Variants in AGBL4 observed in about 807,000 individuals in gnomAD.
AGBL4 encodes cytosolic carboxypeptidase 6.
In AGBL4, 58 loss-of-function variants were observed where a neutral mutation model predicts 66.4. The ratio of observed to expected loss-of-function variants is 0.87; its 90% CI spans 0.71 to 1.09. The LOEUF is 1.09. AGBL4 is among the 50% of genes least tolerant of loss of function. AGBL4 has a pLI of 0.00. For synonymous variants in AGBL4, 234 were observed against 222.9 expected (o/e 1.05, Z -0.44); for missense variants, 579 against 631.0 (o/e 0.92, Z 0.88).
At chr1:49,187,123 C>T (rs1308320159) in intron 4 of AGBL4, 4 of 152,136 alleles carry the variant, frequency 2.6e-5, no homozygotes, top group African/African-American at 9.7e-5. Context: ...AGCTAAAGCA[C>T]CCTTTTTTTG....
intron 6 of AGBL4, among the ~76,000 whole-genome samples, chr1:48,770,062 A>G (rs1644736988): frequency 6.6e-6 from 1 of 152,168 alleles, no homozygotes; most frequent in Admixed American, 6.5e-5. Flanking sequence ...GCACCATGCT[A>G]GAAGCCCTTT....
At chr1:48,772,682 CT>C (rs1644896007) in intron 6 of AGBL4, among the ~76,000 whole-genome samples, 1 of 152,092 alleles carries the variant, frequency 6.6e-6, no homozygotes, top group South Asian at 2.1e-4. Context: ...TCAACTAAGA[CT>C]GTGTTTTAGA....
chr1:49,805,304 T>C (rs896102407), intron 2 of AGBL4, among the ~76,000 whole-genome samples: 1 of 152,150 alleles, frequency 6.6e-6, no homozygotes, highest in Non-Finnish European at 1.5e-5. Flanking sequence ...TGGAGGTTAT[T>C]AATGAACTTG....
intron 5 of AGBL4, among the ~76,000 whole-genome samples, chr1:48,935,719 A>G (rs1655393468): frequency 6.6e-6 from 1 of 151,552 alleles, no homozygotes. Context: ...GCACTTTGGG[A>G]GGCCTAGGTG....
At chr1:49,044,388 C>T (rs1234694996) in intron 5 of AGBL4, among the ~76,000 whole-genome samples, 1 of 151,930 alleles carries the variant, frequency 6.6e-6, no homozygotes, top group East Asian at 1.9e-4. Flanking sequence ...ACTCGGGAGG[C>T]TGAGGCAGGA....
chr1:48,964,305 C>T (rs1320880369), intron 5 of AGBL4, among the ~76,000 whole-genome samples: 1 of 152,188 alleles, frequency 6.6e-6, no homozygotes, highest in East Asian at 1.9e-4. Context: ...GCAATATCCA[C>T]TCCTTGGTTT....
At chr1:48,749,137 T>C (rs1651249568) in intron 6 of AGBL4, among the ~76,000 whole-genome samples, 1 of 152,132 alleles carries the variant, frequency 6.6e-6, no homozygotes, top group Non-Finnish European at 1.5e-5. Context: ...CTTTGAGGAA[T>C]TGCAGATGCC....
chr1:49,682,176 G>A (rs1646707541), intron 3 of AGBL4, among the ~76,000 whole-genome samples: 1 of 152,186 alleles, frequency 6.6e-6, no homozygotes. Context: ...GGGAGGCCGA[G>A]GAGGGAGGAT....
At chr1:48,852,851 G>T (rs1177468073) in intron 6 of AGBL4, among the ~76,000 whole-genome samples, 1 of 152,132 alleles carries the variant, frequency 6.6e-6, no homozygotes, top group Non-Finnish European at 1.5e-5. Flanking sequence ...AATGAGAAAA[G>T]ATAAGTGGGT....
intron 6 of AGBL4, among the ~76,000 whole-genome samples, chr1:48,692,410 G>A (rs1646646902): frequency 6.6e-6 from 1 of 152,190 alleles, no homozygotes; most frequent in South Asian, 2.1e-4. Flanking sequence ...GTAATGCTGG[G>A]GAGTTGGAAA....
At position 49,406,288 on chromosome 1, in the gene AGBL4, C is replaced by G. The variant is rs184879705; in HGVS notation, c.283-160424G>C. On this transcript the variant is annotated intron_variant, in intron 3 of 13. Transcript: ENST00000371839. ...AATTCCACTGGTAATAGAAAAAGAG[C>G]CCTCAATAAAAATTTAAATCTGCTA... 6.8e-3 allele frequency among the ~76,000 whole-genome samples: 1,031 copies of G among 152,194 alleles called. 8 individuals carry two copies. Among genetic ancestry groups the G allele is most frequent in the Non-Finnish European group, 0.01 (686 of 68,010 alleles).
intron 1 of AGBL4, among the ~76,000 whole-genome samples, chr1:49,935,272 G>C (rs564263764): frequency 6.6e-6 from 1 of 152,388 alleles, no homozygotes; most frequent in African/African-American, 2.4e-5. Context: ...GCGGCAGCAA[G>C]GCTGGGGGAG....
intron 5 of AGBL4, among the ~76,000 whole-genome samples, chr1:48,968,119 T>C (rs1428330086): frequency 6.6e-6 from 1 of 152,082 alleles, no homozygotes; most frequent in Admixed American, 6.6e-5. Flanking sequence ...GGAACTACCC[T>C]AAGGAAAAAA....
At chr1:49,665,070 C>T (rs999374533) in intron 3 of AGBL4, among the ~76,000 whole-genome samples, 1 of 152,102 alleles carries the variant, frequency 6.6e-6, no homozygotes, top group Non-Finnish European at 1.5e-5. Context: ...TTAGAAATCA[C>T]AACCTATTGT....
chr1:48,623,123 T>G (rs1645442907), intron 9 of AGBL4, among the ~76,000 whole-genome samples: 1 of 152,234 alleles, frequency 6.6e-6, no homozygotes, highest in Non-Finnish European at 1.5e-5. Context: ...ATCAGCTCCT[T>G]GAGCAAAGGG....
At chr1:48,724,669 G>A (rs1335827311) in intron 6 of AGBL4, among the ~76,000 whole-genome samples, 1 of 152,158 alleles carries the variant, frequency 6.6e-6, no homozygotes, top group Non-Finnish European at 1.5e-5. Context: ...AGTGCAGTTT[G>A]GGGGGTATTT....
At chr1:49,117,341 T>C (rs1486461071) in intron 4 of AGBL4, among the ~76,000 whole-genome samples, 2 of 152,234 alleles carry the variant, frequency 1.3e-5, no homozygotes, top group African/African-American at 4.8e-5. Flanking sequence ...TCTAGGGTTT[T>C]TATGGTTTTC....
intron 6 of AGBL4, among the ~76,000 whole-genome samples, chr1:48,740,541 T>C (rs1649755326): frequency 6.6e-6 from 1 of 152,224 alleles, no homozygotes; most frequent in South Asian, 2.1e-4. Context: ...GCAAGCCTGA[T>C]TCATGTAAAC....
chr1:48,900,441 T>G (rs1443735419), intron 5 of AGBL4, among the ~76,000 whole-genome samples: 2 of 152,080 alleles, frequency 1.3e-5, no homozygotes, highest in South Asian at 2.1e-4. Context: ...CAAAATAACT[T>G]TGAGAAAGAA....
Sources: gnomAD v4.1 joint callset for allele counts (sites outside exome capture counted in the v4.1 genomes callset) on GRCh38, gnomAD v4.1.1 for gene constraint, MANE v1.5 for transcripts, NCBI Gene and HGNC (gene_info 2026-07-23, HGNC 2026-07-21) for gene names.